RALYL: variants seen among roughly 807,000 people sequenced by gnomAD.
RALYL encodes the protein RALY RNA binding protein like.
RALYL carries 29 observed loss-of-function variants against 35.1 expected under a neutral mutation model. The observed-to-expected ratio is 0.83, with a 90% CI of 0.61 to 1.13. The LOEUF is 1.13. Ranked by LOEUF, RALYL falls within the 50% of genes most tolerant of loss-of-function variation. The pLI is 0.00. For missense variants in RALYL, 359 were observed against 360.4 expected (o/e 1.00, Z 0.03); for synonymous variants, 120 against 127.6 (o/e 0.94, Z 0.40).
intron 4 of RALYL, among the ~76,000 whole-genome samples, chr8:84,839,615 G>C (rs1040325595): frequency 3.3e-5 from 5 of 152,374 alleles, no homozygotes; most frequent in African/African-American, 1.2e-4. Flanking sequence ...GCTTTGAAGA[G>C]AGTAGTGGTT....
chr8:84,482,817 T>C (rs888171220), intron 1 of RALYL, among the ~76,000 whole-genome samples: 4 of 152,122 alleles, frequency 2.6e-5, no homozygotes, highest in Non-Finnish European at 5.9e-5. Flanking sequence ...TGCCATGGCA[T>C]AAGTTTAATA....
chr8:84,311,480 G>A (rs1034941788), intron 1 of RALYL, among the ~76,000 whole-genome samples: 3 of 152,102 alleles, frequency 2.0e-5, no homozygotes, highest in Non-Finnish European at 4.4e-5. Flanking sequence ...GAATGGGAGA[G>A]AAGACTCATT....
chr8:84,628,819 T>C (rs1823306871), intron 2 of RALYL, among the ~76,000 whole-genome samples: 1 of 152,082 alleles, frequency 6.6e-6, no homozygotes, highest in Non-Finnish European at 1.5e-5. Flanking sequence ...AAATAATTTT[T>C]GTTTATTAAA....
chr8:84,231,497 G>A (rs941417205), intron 1 of RALYL, among the ~76,000 whole-genome samples: 5 of 152,100 alleles, frequency 3.3e-5, no homozygotes, highest in African/African-American at 7.2e-5. Context: ...CACTCTGAAC[G>A]TAAAGCGCAA....
chr8:84,183,883 G>A lies in RALYL; in HGVS notation c.-565G>A, dbSNP rs1208393846. 3 of 152,264 alleles carry A rather than the reference G, an allele frequency of 2.0e-5. No homozygotes were observed. The highest frequency in any genetic ancestry group is 6.6e-5 in the Admixed American group (1 of 15,254). The allele number at this position is 152,264 out of a possible 1,614,324, so 9.4% of individuals were successfully genotyped here. On this transcript the variant is annotated 5_prime_UTR_variant, in exon 1 of 9. Coordinates refer to ENST00000521268, the MANE Select transcript of RALYL (RefSeq NM_173848.7). The stretch of plus-strand genomic sequence containing the variant: ...TGGAAAAAGCGATGTGAAGTATGGT[G>A]CCTATTTTTTTCCTTTGTAAAAATA...
intron 1 of RALYL, among the ~76,000 whole-genome samples, chr8:84,503,956 A>T (rs2056942990): frequency 6.6e-6 from 1 of 152,114 alleles, no homozygotes. Flanking sequence ...GAAAAAATAT[A>T]GGGATATTAA....
intron 2 of RALYL, among the ~76,000 whole-genome samples, chr8:84,615,248 T>G (rs1819212191): frequency 6.6e-6 from 1 of 151,658 alleles, no homozygotes; most frequent in Non-Finnish European, 1.5e-5. Context: ...CCCAGAGGAC[T>G]GTTAGAGATT....
chr8:84,856,932 G>T (rs1837132527), intron 5 of RALYL, among the ~76,000 whole-genome samples: 1 of 149,884 alleles, frequency 6.7e-6, no homozygotes, highest in Non-Finnish European at 1.5e-5. Flanking sequence ...GGAGGCTGAG[G>T]CAGGAGAATG....
intron 4 of RALYL, among the ~76,000 whole-genome samples, chr8:84,830,922 GATGCAATACA>G (rs780472621): frequency 5.3e-5 from 8 of 152,054 alleles, no homozygotes; most frequent in Non-Finnish European, 1.2e-4. Context: ...TAAGACACCA[GATGCAATACA>G]ATGCCCCATT....
At chr8:84,364,439 A>G (rs1586618568) in intron 1 of RALYL, among the ~76,000 whole-genome samples, 1 of 152,188 alleles carries the variant, frequency 6.6e-6, no homozygotes, top group South Asian at 2.1e-4. Context: ...CCTACTAAAA[A>G]TGTTCTTTAT....
chr8:84,741,123 G>A (rs1199638101), intron 2 of RALYL, among the ~76,000 whole-genome samples: 1 of 151,956 alleles, frequency 6.6e-6, no homozygotes, highest in Non-Finnish European at 1.5e-5. Flanking sequence ...ATTTTAGAAT[G>A]ATTTGACTCC....
intron 1 of RALYL, among the ~76,000 whole-genome samples, chr8:84,208,556 A>G (rs1484318240): frequency 6.6e-6 from 1 of 152,128 alleles, no homozygotes; most frequent in African/African-American, 2.4e-5. Flanking sequence ...TCAAGAATAG[A>G]GAAACTTGGA....
intron 2 of RALYL, among the ~76,000 whole-genome samples, chr8:84,538,755 AATTT>A (rs1424969212): frequency 5.3e-5 from 8 of 152,276 alleles, no homozygotes; most frequent in East Asian, 1.9e-4. Context: ...AAGTATTGTA[AATTT>A]ATTTAAGAAA....
chr8:84,307,693 G>A (rs1380793492), intron 1 of RALYL, among the ~76,000 whole-genome samples: 1 of 152,144 alleles, frequency 6.6e-6, no homozygotes. Flanking sequence ...GGCGAATGGG[G>A]AAGAAAGAGG....
chr8:84,448,387 C>A (rs2049077905), intron 1 of RALYL, among the ~76,000 whole-genome samples: 1 of 152,128 alleles, frequency 6.6e-6, no homozygotes, highest in South Asian at 2.1e-4. Context: ...ATGTGCAACT[C>A]ATGGACAATT....
intron 1 of RALYL, among the ~76,000 whole-genome samples, chr8:84,366,106 CAG>C (rs138020573): frequency 4.0e-5 from 6 of 150,922 alleles, no homozygotes; most frequent in Admixed American, 6.6e-5. Flanking sequence ...TGTCTGGTGC[CAG>C]AGAGAGAGAG....
intron 1 of RALYL, among the ~76,000 whole-genome samples, chr8:84,373,225 C>T (rs1856262280): frequency 6.6e-6 from 1 of 151,348 alleles, no homozygotes; most frequent in Non-Finnish European, 1.5e-5. Context: ...TTTACTGTGC[C>T]AAGCTCTTTA....
At chr8:84,616,358 AT>A (rs1245104824) in intron 2 of RALYL, among the ~76,000 whole-genome samples, 1 of 147,558 alleles carries the variant, frequency 6.8e-6, no homozygotes, top group Non-Finnish European at 1.5e-5. Context: ...GATGATGAAC[AT>A]TTTTTCATGT....
At chr8:84,444,553 T>G (rs1333348070) in intron 1 of RALYL, among the ~76,000 whole-genome samples, 3 of 152,142 alleles carry the variant, frequency 2.0e-5, no homozygotes, top group Non-Finnish European at 4.4e-5. Flanking sequence ...GCTAGATACA[T>G]CATTCTAGCA....
Sources: allele counts gnomAD v4.1 joint callset (sites outside exome capture counted in the v4.1 genomes callset), GRCh38; gene constraint gnomAD v4.1.1; transcripts MANE v1.5; gene names NCBI Gene and HGNC (gene_info 2026-07-23, HGNC 2026-07-21).